Variants in DDX31 observed in about 807,000 individuals in gnomAD.
DDX31 encodes the protein ATP-dependent DNA helicase DDX31.
In DDX31, 70 loss-of-function variants were observed where a neutral mutation model predicts 91.3. The observed-to-expected ratio is 0.77, with a 90% CI of 0.63 to 0.94. The LOEUF (loss-of-function observed/expected upper bound fraction) is 0.94, where lower values mean the gene tolerates loss of function less well. Among genes scored for constraint, DDX31 ranks in the 40% least tolerant of loss-of-function variants. The pLI, the probability that DDX31 is intolerant of heterozygous loss-of-function variation, is 0.00. For synonymous variants in DDX31, 362 were observed against 350.6 expected (o/e 1.03, Z -0.36); for missense variants, 902 against 925.0 (o/e 0.98, Z 0.32).
At chr9:132,645,794 G>C in intron 13 of DDX31, 101 bp downstream of exon 13, 3 of 1,314,144 alleles carry the variant, frequency 2.3e-6, no homozygotes, top group Non-Finnish European at 3.1e-6. Context: ...AAGGGTCGTA[G>C]CCATTGCTGA....
chr9:132,616,691 C>G (rs1831649565), intron 18 of DDX31, among the ~76,000 whole-genome samples: 1 of 152,136 alleles, frequency 6.6e-6, no homozygotes, highest in South Asian at 2.1e-4. Flanking sequence ...TTGAGAGACA[C>G]AGAGCAATAC....
At chr9:132,611,963 T>C in intron 19 of DDX31, 124 bp downstream of exon 19, 1 of 1,326,236 alleles carries the variant, frequency 7.5e-7, no homozygotes, top group South Asian at 1.5e-5. Flanking sequence ...TCCAAGTGCT[T>C]GTTTATTGGG....
At chr9:132,630,457 T>C (rs1832654507) in intron 15 of DDX31, 54 bp from the exon 16 acceptor site, 5 of 1,528,104 alleles carry the variant, frequency 3.3e-6, no homozygotes, top group African/African-American at 1.4e-5. Flanking sequence ...CTGCCATTAA[T>C]TGGAAGTGCA....
chr9:132,649,423 TAA>T (rs1834043692), intron 9 of DDX31, among the ~76,000 whole-genome samples: 1 of 152,224 alleles, frequency 6.6e-6, no homozygotes, highest in Non-Finnish European at 1.5e-5. Flanking sequence ...TGCAACTATC[TAA>T]GACTATGAGG....
rs372911669 is a variant in DDX31, at chr9:132,594,829, G to C, written c.*37C>G. ...ACTGGACATCAATCCACTGCCACCC[G>C]GGGCTTCCAGGTTCCACTCGAAGAC... On this transcript the variant is annotated 3_prime_UTR_variant, in exon 20 of 20. Coordinates refer to ENST00000372159, the MANE Select transcript of DDX31 (RefSeq NM_022779.9). The C allele has an allele frequency of 3.1e-6, 5 of 1,603,576 alleles. No individual in the cohort carries two copies. In the South Asian group the frequency reaches 5.5e-5, roughly 18 times the overall value.
chr9:132,616,360 T>C (rs565187960), intron 18 of DDX31, among the ~76,000 whole-genome samples: 1 of 152,308 alleles, frequency 6.6e-6, no homozygotes, highest in Non-Finnish European at 1.5e-5. Context: ...GCTTGTTTCA[T>C]GGTATTAACA....
intron 16 of DDX31, among the ~76,000 whole-genome samples, chr9:132,626,111 T>G (rs1832374434): frequency 6.6e-6 from 1 of 151,380 alleles, no homozygotes; most frequent in South Asian, 2.1e-4. Flanking sequence ...TAGAAGCATT[T>G]TGGTCTCTTT....
At chr9:132,646,541 C>T (rs557635076) in intron 12 of DDX31, among the ~76,000 whole-genome samples, 1 of 152,326 alleles carries the variant, frequency 6.6e-6, no homozygotes, top group African/African-American at 2.4e-5. Flanking sequence ...GTCTGCCTCA[C>T]ATCCAGCTGT....
rs1387889406 is a variant in DDX31 at position 132,612,197 on chromosome 9, G to A, written c.1884C>T (p.Phe628=). 2 of 1,614,220 alleles carry A rather than the reference G, an allele frequency of 1.2e-6. No individual in the cohort carries two copies. The highest frequency in any genetic ancestry group is 2.2e-5 in the East Asian group (1 of 44,878). ...ATYPRELKHI[F]HVRSLHLGHV... ...GCCCAAGGTGGAGGGATCGGACGTG[G>A]AAGATGTGCTTCAGCTCCCTGGGGT... is the stretch of plus-strand genomic sequence containing the variant. Residue 628 remains phenylalanine (F), a synonymous_variant, in exon 19 of 20, where the codon TTC becomes TTT. Transcript: ENST00000372159.
intron 19 of DDX31, among the ~76,000 whole-genome samples, chr9:132,610,433 T>C (rs1342450198): frequency 6.6e-6 from 1 of 152,126 alleles, no homozygotes; most frequent in African/African-American, 2.4e-5. Flanking sequence ...GTTATTAGTA[T>C]CAGAAAAGAA....
intron 16 of DDX31, among the ~76,000 whole-genome samples, chr9:132,626,786 A>C (rs306556): frequency 0.6 from 90,971 of 151,736 alleles, 29,878 homozygotes; most frequent in African/African-American, 0.87. Flanking sequence ...ATTTACCTGA[A>C]ATGTGTCATC....
At chr9:132,615,052 C>A (rs12685594) in intron 18 of DDX31, among the ~76,000 whole-genome samples, 27,659 of 152,010 alleles carry the variant, frequency 0.18, 3,249 homozygotes, top group East Asian at 0.42. Context: ...GGGACCCACA[C>A]AAGCGGAAGG....
At position 132,646,828 on chromosome 9, in the gene DDX31, AT is replaced by A; in HGVS notation, c.1197del (p.Lys399AsnfsTer32). 5 of 1,613,826 alleles carry A rather than the reference AT, an allele frequency of 3.1e-6. No homozygotes were observed. Among genetic ancestry groups the A allele is most frequent in the Non-Finnish European group, 4.2e-6 (5 of 1,179,904 alleles). On this transcript the variant is annotated frameshift_variant, in exon 12 of 20. Coordinates refer to ENST00000372159, the MANE Select transcript of DDX31 (RefSeq NM_022779.9). LOFTEE classifies it high-confidence loss of function. ...GCTCTAGCCCACAGTCCCACCTTGC[AT>A]TTCTGAAGGATGAAGGCCGCTAGGC... ...LVCLAAFILQ[K>X]CKFEEDQKMV...
rs1452912682 is a variant in DDX31, at chr9:132,669,710, G to T, written c.75+150C>A. 9 of 1,533,316 alleles carry T rather than the reference G, an allele frequency of 5.9e-6. No homozygotes were observed. In the South Asian group the frequency reaches 1.1e-4, roughly 18 times the overall value. 95.0% of individuals were successfully genotyped at this position (1,533,316 alleles called of 1,614,324 possible). On this transcript the variant is annotated intron_variant, in intron 1 of 19. Transcript: ENST00000372159. ...GTTCCGGTTAGAGACACGTGTTTCG[G>T]CGCAACTTGTCCCGAAGCTGCCCGG... is the stretch of plus-strand genomic sequence containing the variant.
rs767428677 is a variant in DDX31 at position 132,646,030 on chromosome 9, G to A, written c.1245C>T (p.Cys415=). Residue 415 remains cysteine, a synonymous_variant, in exon 13 of 20, where the codon TGC becomes TGT. Transcript: ENST00000372159. ...DQKMVVFFSS[C]ELVEFHYSLF... The stretch of plus-strand genomic sequence containing the variant: ...GGCTGTAGTGGAACTCCACCAGCTC[G>A]CAACTTGAGAAAAAGACAACCATCT... 4.3e-6 allele frequency: 7 copies of A among 1,614,052 alleles called. No homozygotes were observed. The highest frequency in any genetic ancestry group is 3.3e-5 in the South Asian group (3 of 91,074).
chr9:132,598,826 T>A (rs933478559), intron 19 of DDX31, among the ~76,000 whole-genome samples: 1 of 152,252 alleles, frequency 6.6e-6, no homozygotes, highest in Non-Finnish European at 1.5e-5. Flanking sequence ...ATTTCAAAAA[T>A]ATTAAAGTAT....
intron 19 of DDX31, among the ~76,000 whole-genome samples, chr9:132,606,587 C>T (rs1265651938): frequency 6.6e-6 from 1 of 152,172 alleles, no homozygotes; most frequent in African/African-American, 2.4e-5. Context: ...CCGGACACCA[C>T]GATGTTTCCA....
chr9:132,601,972 A>C (rs914305837), intron 19 of DDX31, among the ~76,000 whole-genome samples: 1 of 152,354 alleles, frequency 6.6e-6, no homozygotes. Context: ...TAACAGCACG[A>C]AAAAGAGAAA....
chr9:132,658,371 G>C (rs1834708318), intron 6 of DDX31: 1 of 703,230 alleles, frequency 1.4e-6, no homozygotes, highest in South Asian at 1.5e-5. Context: ...ATAACACAGT[G>C]GGGGAGAGAG....
Sources: allele counts gnomAD v4.1 joint callset (sites outside exome capture counted in the v4.1 genomes callset), GRCh38; gene constraint gnomAD v4.1.1; transcripts MANE v1.5; gene names NCBI Gene and HGNC (gene_info 2026-07-23, HGNC 2026-07-21).